TSPEAR: variants seen among roughly 807,000 people sequenced by gnomAD.
The protein encoded by TSPEAR is thrombospondin-type laminin G domain and EAR repeat-containing protein.
A neutral mutation model predicts 71.6 loss-of-function variants in TSPEAR; 69 were observed. That is an observed-to-expected ratio of 0.96 (90% CI 0.79 to 1.18). TSPEAR has a LOEUF of 1.18. Ranked by LOEUF, TSPEAR falls within the 50% of genes most tolerant of loss-of-function variation. The probability of loss-of-function intolerance (pLI) is 0.00; values close to 1 mark genes in which losing one functional copy is unlikely to be tolerated. For missense variants in TSPEAR, 971 were observed against 894.9 expected (o/e 1.09, Z -1.09); for synonymous variants, 402 against 387.2 (o/e 1.04, Z -0.45).
chr21:44,697,156 C>G (rs781890803), intron 1 of TSPEAR: 10 of 1,595,164 alleles, frequency 6.3e-6, no homozygotes, highest in Non-Finnish European at 8.5e-6. Context: ...CTCACTGTCT[C>G]CCTCTCAGCT....
intron 10 of TSPEAR, chr21:44,508,095 C>T (rs1159647549): frequency 6.6e-5 from 10 of 152,380 alleles, no homozygotes; most frequent in African/African-American, 1.9e-4. Context: ...TGTCTACATA[C>T]CCCTGCAGCC....
chr21:44,539,821 G>GCA (rs782720361), intron 2 of TSPEAR: 1 of 1,576,370 alleles, frequency 6.3e-7, no homozygotes, highest in African/African-American at 1.4e-5. Context: ...AGGTGGGCAG[G>GCA]CAGCACACAG....
intron 2 of TSPEAR, chr21:44,539,066 C>G (rs2053149342): frequency 3.0e-6 from 2 of 659,860 alleles, no homozygotes; most frequent in East Asian, 2.8e-5. Flanking sequence ...AGCAGAGAAG[C>G]TGGGAGGGAG....
At chr21:44,704,441 G>C (rs1442019456) in intron 1 of TSPEAR, among the ~76,000 whole-genome samples, 1 of 152,212 alleles carries the variant, frequency 6.6e-6, no homozygotes, top group Admixed American at 6.5e-5. Context: ...ACCGTGCGGG[G>C]TGGCCCTGAC....
chr21:44,534,815 C>T (rs2053059775), intron 2 of TSPEAR, among the ~76,000 whole-genome samples: 1 of 152,200 alleles, frequency 6.6e-6, no homozygotes, highest in Admixed American at 6.5e-5. Context: ...GAAAGAGATA[C>T]TTGTACACAC....
chr21:44,588,951 G>A (rs1979550997), intron 1 of TSPEAR, among the ~76,000 whole-genome samples: 2 of 151,926 alleles, frequency 1.3e-5, no homozygotes, highest in Admixed American at 1.3e-4. Context: ...GCTAAGCTAT[G>A]AGGATACAAA....
At chr21:44,628,499 G>A (rs1226252476) in intron 1 of TSPEAR, among the ~76,000 whole-genome samples, 4 of 152,040 alleles carry the variant, frequency 2.6e-5, no homozygotes, top group East Asian at 3.9e-4. Flanking sequence ...GCCTCGGGGG[G>A]CTCTTGTGTG....
intron 1 of TSPEAR, among the ~76,000 whole-genome samples, chr21:44,656,281 T>C (rs1555942555): frequency 6.6e-6 from 1 of 152,220 alleles, no homozygotes; most frequent in Non-Finnish European, 1.5e-5. Context: ...CTCCTACTCC[T>C]TCCTGCAGGT....
rs560276895 is a variant in TSPEAR, at chr21:44,696,928, G to A, written c.82+14505C>T. Reference sequence around the variant, plus strand: ...AACACCAACAAGGAAAGAAGCCTGGGGCCTTGTGCTGGGACAACACACACA... The same window carrying A: ...AACACCAACAAGGAAAGAAGCCTGGAGCCTTGTGCTGGGACAACACACACA... On this transcript the variant is annotated intron_variant, in intron 1 of 11. Coordinates refer to ENST00000323084, the MANE Select transcript of TSPEAR (RefSeq NM_144991.3). Among the ~76,000 whole-genome samples, 32 of 152,236 alleles carry A rather than the reference G, an allele frequency of 2.1e-4. No individual in the cohort carries two copies. The Middle Eastern group carries it at 0.017, about 81-fold the overall frequency.
intron 1 of TSPEAR, chr21:44,658,330 T>G: frequency 4.6e-6 from 7 of 1,511,080 alleles, no homozygotes; most frequent in Non-Finnish European, 5.5e-6. Context: ...AAGCATCTGG[T>G]GGACCCCCAG....
At chr21:44,586,544 T>C (rs1426787523) in intron 1 of TSPEAR, among the ~76,000 whole-genome samples, 1 of 152,148 alleles carries the variant, frequency 6.6e-6, no homozygotes, top group East Asian at 1.9e-4. Context: ...GTATTCCCAG[T>C]GTTTCTCAGC....
At chr21:44,567,160 A>G (rs1162306070) in intron 2 of TSPEAR, among the ~76,000 whole-genome samples, 1 of 152,252 alleles carries the variant, frequency 6.6e-6, no homozygotes, top group Non-Finnish European at 1.5e-5. Context: ...TAACTGAGCA[A>G]TAAGTCCATT....
At chr21:44,600,928 T>C (rs1555928495) in intron 1 of TSPEAR, 1 of 1,611,220 alleles carries the variant, frequency 6.2e-7, no homozygotes, top group African/African-American at 1.4e-5. Context: ...CTGTGCCTCC[T>C]CCCCCTGCCA....
intron 1 of TSPEAR, chr21:44,702,785 A>G (rs1555951741): frequency 1.6e-6 from 2 of 1,289,052 alleles, no homozygotes; most frequent in Admixed American, 1.8e-5. Context: ...TGCTCAGGCC[A>G]GAAGCCCAGC....
intron 2 of TSPEAR, among the ~76,000 whole-genome samples, chr21:44,540,740 T>C (rs2146006767): frequency 6.6e-6 from 1 of 152,104 alleles, no homozygotes; most frequent in South Asian, 2.1e-4. Flanking sequence ...CTGAAGAAAT[T>C]AGAGCCCCAA....
At chr21:44,575,123 T>C (rs1555923754) in intron 1 of TSPEAR, 4 of 1,074,540 alleles carry the variant, frequency 3.7e-6, no homozygotes, top group Non-Finnish European at 5.3e-6. Flanking sequence ...TTTCCTGGTG[T>C]CTGCTGTTGA....
chr21:44,543,690 T>A (rs1555917458), intron 2 of TSPEAR, among the ~76,000 whole-genome samples: 1 of 152,098 alleles, frequency 6.6e-6, no homozygotes, highest in East Asian at 1.9e-4. Flanking sequence ...AGGCAAAGAT[T>A]GGAGTGAAGA....
At chr21:44,628,020 C>T (rs781974345) in intron 1 of TSPEAR, 14 of 1,613,028 alleles carry the variant, frequency 8.7e-6, no homozygotes, top group Middle Eastern at 1.7e-4. Context: ...CCTGCTACAG[C>T]TTCTCCTCAG....
Position 44,516,067 on chromosome 21 carries a change from T to C in TSPEAR, c.1566+5816A>G, listed in dbSNP as rs1179151786. On this transcript the variant is annotated intron_variant, in intron 9 of 11. Coordinates refer to ENST00000323084, the MANE Select transcript of TSPEAR (RefSeq NM_144991.3). ...CGTGTGTTTGTGGCCAGGTCCCTGC[T>C]CCTGAGCCTCAGTTTCCACACCTGT... is the stretch of plus-strand genomic sequence containing the variant. 2.0e-5 allele frequency: 3 copies of C among 152,230 alleles called. No homozygotes were observed. In the East Asian group the frequency reaches 5.8e-4, roughly 29 times the overall value. The allele number at this position is 152,230 out of a possible 1,614,324, so 9.4% of individuals were successfully genotyped here.
Sources: gnomAD v4.1 joint callset for allele counts (sites outside exome capture counted in the v4.1 genomes callset) on GRCh38, gnomAD v4.1.1 for gene constraint, MANE v1.5 for transcripts, NCBI Gene and HGNC (gene_info 2026-07-23, HGNC 2026-07-21) for gene names.